The following NDST3 variants were observed in gnomAD, a reference collection of about 807,000 sequenced individuals.
NDST3 encodes the protein bifunctional heparan sulfate N-deacetylase/N-sulfotransferase 3.
NDST3 carries 58 observed loss-of-function variants against 96.1 expected under a neutral mutation model. The ratio of observed to expected loss-of-function variants is 0.60; its 90% CI spans 0.49 to 0.75. The LOEUF (loss-of-function observed/expected upper bound fraction) is 0.75, where lower values mean the gene tolerates loss of function less well. NDST3 is among the 30% of genes least tolerant of loss of function. The pLI is 0.00. For synonymous variants in NDST3, 333 were observed against 359.7 expected (o/e 0.93, Z 0.84); for missense variants, 788 against 1,034.2 (o/e 0.76, Z 3.27).
At chr4:118,088,045 C>G (rs1490711224) in intron 2 of NDST3, among the ~76,000 whole-genome samples, 1 of 151,946 alleles carries the variant, frequency 6.6e-6, no homozygotes, top group Non-Finnish European at 1.5e-5. Context: ...TCAGATGAAG[C>G]TGAAAATAAG....
At chr4:118,220,770 G>C (rs1739486053) in intron 6 of NDST3, among the ~76,000 whole-genome samples, 1 of 152,072 alleles carries the variant, frequency 6.6e-6, no homozygotes, top group Non-Finnish European at 1.5e-5. Flanking sequence ...CACTTACCAA[G>C]CTGTTTTTTG....
intron 1 of NDST3, among the ~76,000 whole-genome samples, chr4:118,039,634 C>G (rs1389193901): frequency 6.6e-6 from 1 of 151,982 alleles, no homozygotes; most frequent in Non-Finnish European, 1.5e-5. Flanking sequence ...AACAGGGAGG[C>G]CTGACAGATA....
intron 6 of NDST3, among the ~76,000 whole-genome samples, chr4:118,165,516 G>A (rs1735491035): frequency 6.6e-6 from 1 of 152,006 alleles, no homozygotes; most frequent in East Asian, 1.9e-4. Flanking sequence ...AGAACACTTA[G>A]ACCAAAAATC....
chr4:118,252,294 A>C (rs1470579166), intron 12 of NDST3, among the ~76,000 whole-genome samples: 7 of 152,222 alleles, frequency 4.6e-5, no homozygotes, highest in Admixed American at 3.9e-4. Flanking sequence ...AAAAGGCCCT[A>C]AACCGAAAAT....
chr4:118,132,730 T>C (rs1185290121), intron 4 of NDST3, among the ~76,000 whole-genome samples: 2 of 152,184 alleles, frequency 1.3e-5, no homozygotes, highest in Non-Finnish European at 2.9e-5. Context: ...TCCCTGGCTA[T>C]CACTGATGGT....
At chr4:118,247,711 C>G (rs1741412394) in intron 12 of NDST3, among the ~76,000 whole-genome samples, 1 of 151,996 alleles carries the variant, frequency 6.6e-6, no homozygotes. Flanking sequence ...TATAAACTTG[C>G]TAAATAGTGC....
At chr4:118,127,107 T>C (rs752871010) in intron 4 of NDST3, among the ~76,000 whole-genome samples, 12 of 152,072 alleles carry the variant, frequency 7.9e-5, no homozygotes, top group Non-Finnish European at 4.4e-5. Context: ...TCTTGTCAGA[T>C]GGGGAGTTTG....
intron 4 of NDST3, among the ~76,000 whole-genome samples, chr4:118,128,977 G>A (rs977954740): frequency 3.9e-5 from 6 of 151,964 alleles, no homozygotes; most frequent in Non-Finnish European, 8.8e-5. Flanking sequence ...TTGGCATATA[G>A]TTGCTGATAG....
intron 6 of NDST3, among the ~76,000 whole-genome samples, chr4:118,190,397 A>T (rs1737230157): frequency 6.6e-6 from 1 of 152,228 alleles, no homozygotes; most frequent in Admixed American, 6.5e-5. Flanking sequence ...CTTACAAATG[A>T]TTCAGATATT....
At chr4:118,132,070 C>A (rs1337973269) in intron 4 of NDST3, among the ~76,000 whole-genome samples, 1 of 152,058 alleles carries the variant, frequency 6.6e-6, no homozygotes, top group African/African-American at 2.4e-5. Flanking sequence ...ACCTGGCTAC[C>A]ACCTATGTTC....
intron 4 of NDST3, among the ~76,000 whole-genome samples, chr4:118,131,184 T>C (rs1357423567): frequency 2.0e-5 from 3 of 152,220 alleles, no homozygotes; most frequent in African/African-American, 7.2e-5. Context: ...CTACTTCTTC[T>C]TTAAAACCAA....
chr4:118,250,479 G>A (rs1029707554), intron 12 of NDST3, among the ~76,000 whole-genome samples: 32 of 150,602 alleles, frequency 2.1e-4, no homozygotes, highest in Non-Finnish European at 4.3e-4. Flanking sequence ...TGAAGTGTCT[G>A]TTCCAATCTT....
At chr4:118,162,523 G>T (rs11939817) in intron 6 of NDST3, among the ~76,000 whole-genome samples, 30 of 151,740 alleles carry the variant, frequency 2.0e-4, no homozygotes, top group Non-Finnish European at 4.0e-4. Context: ...TTAATAAATG[G>T]TGCTGGGAAA....
intron 3 of NDST3, among the ~76,000 whole-genome samples, chr4:118,106,226 C>T (rs980903633): frequency 6.6e-6 from 1 of 152,100 alleles, no homozygotes; most frequent in South Asian, 2.1e-4. Context: ...TCTTAATTTT[C>T]CTTATGGCGT....
At chr4:118,071,241 T>C (rs1198781527) in intron 2 of NDST3, among the ~76,000 whole-genome samples, 1 of 152,084 alleles carries the variant, frequency 6.6e-6, no homozygotes, top group Non-Finnish European at 1.5e-5. Context: ...CAACCATTCT[T>C]ATCTTGACTT....
intron 8 of NDST3, 123 bp from the exon 9 acceptor site, chr4:118,232,889 T>C: frequency 1.0e-6 from 1 of 987,052 alleles, no homozygotes; most frequent in East Asian, 2.5e-5. Context: ...TCAATTTATT[T>C]CCAGCAGTAG....
chr4:118,205,054 T>C (rs1012319144), intron 6 of NDST3, among the ~76,000 whole-genome samples: 1 of 144,642 alleles, frequency 6.9e-6, no homozygotes, highest in African/African-American at 2.5e-5. Context: ...AGTTTTTAAA[T>C]GTTGTTCAAT....
rs574791140 is a variant in NDST3, at chr4:118,250,438, T to C, written c.2400-3061T>C. Among the ~76,000 whole-genome samples the C allele has an allele frequency of 5.3e-5, 8 of 152,322 alleles. No individual in the cohort carries two copies. The East Asian group carries it at 1.3e-3, about 26-fold the overall frequency. On this transcript the variant is annotated intron_variant, in intron 12 of 13. Transcript: ENST00000296499. ...GAATGATGTTCAGCAAATTTTCATT[T>C]GTTCATTGACCATTCATATGTGTTC...
intron 6 of NDST3, among the ~76,000 whole-genome samples, chr4:118,162,679 C>T (rs1332338334): frequency 6.7e-6 from 1 of 148,864 alleles, no homozygotes; most frequent in African/African-American, 2.4e-5. Flanking sequence ...CCATTCAGGA[C>T]ATAGGCATGG....
Sources: allele counts gnomAD v4.1 joint callset (sites outside exome capture counted in the v4.1 genomes callset), GRCh38; gene constraint gnomAD v4.1.1; transcripts MANE v1.5; gene names NCBI Gene and HGNC (gene_info 2026-07-23, HGNC 2026-07-21).